The following TARM1 variants were observed in gnomAD, a reference collection of about 807,000 sequenced individuals.
The protein encoded by TARM1 is T-cell-interacting, activating receptor on myeloid cells protein 1.
In TARM1, 24 loss-of-function variants were observed where a neutral mutation model predicts 30.4. The ratio of observed to expected loss-of-function variants is 0.79; its 90% CI spans 0.57 to 1.11. TARM1 has a LOEUF of 1.11. Ranked by LOEUF, TARM1 falls within the 50% of genes least tolerant of loss-of-function variation. The pLI is 0.00. For synonymous variants in TARM1, 129 were observed against 138.9 expected (o/e 0.93, Z 0.50); for missense variants, 323 against 332.8 (o/e 0.97, Z 0.23).
At chr19:54,075,948 C>T (rs1425720003) in intron 1 of TARM1, 30 bp from the exon 2 acceptor site, 1 of 1,550,638 alleles carries the variant, frequency 6.4e-7, no homozygotes. Flanking sequence ...GAGCCAGAAG[C>T]CCCTACCTGG....
In TARM1 at chr19:54,070,117, G is replaced by T. The variant is rs377017019; in HGVS notation, c.702C>A (p.Phe234Leu). 32 of 1,551,666 alleles carry T rather than the reference G, an allele frequency of 2.1e-5. No homozygotes were observed. The African/African-American group carries it at 4.1e-4, about 20-fold the overall frequency. ...TTSSNYSLGNFVRLGLAAVIV... is the reference protein window; with the variant it reads ...TTSSNYSLGNLVRLGLAAVIV... ...TTACGGCAGCCAGACCCAGTCGTAC[G>T]AAGTTACCCAGGGAGTAGTTGCTCG... The change falls in exon 5 of 5, where the codon TTC becomes TTA. Residue 234 changes from phenylalanine to leucine, a missense_variant. Phe to Leu is a conservative substitution (Grantham distance 22). Coordinates refer to ENST00000432826, the MANE Select transcript of TARM1 (RefSeq NM_001135686.3).
In TARM1 at chr19:54,074,931, T is replaced by C. The variant is rs1373753920; in HGVS notation, c.254A>G (p.Asn85Ser). 1.3e-6 allele frequency: 2 copies of C among 1,551,656 alleles called. No homozygotes were observed. Among genetic ancestry groups the C allele is most frequent in the Admixed American group, 2.0e-5 (1 of 50,992 alleles). Reference protein sequence around the residue: ...STEGAAEFHLNNLKVRNAGEY... With the variant: ...STEGAAEFHLSNLKVRNAGEY... ...TCCAGCATTTCTGACTTTTAGATTA[T>C]TGAGGTGAAATTCGGCCGCGCCCTC... Residue 85 changes from asparagine to serine, a missense_variant, in exon 3 of 5, where the codon AAT (asparagine) becomes AGT (serine). Coordinates refer to ENST00000432826, the MANE Select transcript of TARM1 (RefSeq NM_001135686.3).
Position 54,073,906 on chromosome 19 carries a change from A to G in TARM1, c.658+14T>C. 2.6e-6 allele frequency: 4 copies of G among 1,549,158 alleles called. No individual in the cohort carries two copies. The highest frequency in any genetic ancestry group is 3.5e-6 in the Non-Finnish European group (4 of 1,144,880). On this transcript the variant is annotated intron_variant, in intron 4 of 4. Coordinates refer to ENST00000432826, the MANE Select transcript of TARM1 (RefSeq NM_001135686.3). ...ACAACACACACAGTTCCTCAAAACCATACACGCCCTTACCTGTCACCAATA... is the reference window on the plus strand; with the variant it reads ...ACAACACACACAGTTCCTCAAAACCGTACACGCCCTTACCTGTCACCAATA...
chr19:54,073,779 C>A, intron 4 of TARM1, 141 bp downstream of exon 4: 1 of 1,108,018 alleles, frequency 9.0e-7, no homozygotes, highest in Admixed American at 2.5e-5. Context: ...AGGCATGAGC[C>A]ACCACGCCAG....
rs2071875994 is a variant in TARM1 at position 54,073,978 on chromosome 19, C to T, written c.600G>A (p.Gln200=). The T allele has an allele frequency of 6.4e-7, 1 of 1,551,576 alleles. No individual in the cohort carries two copies. The highest frequency in any genetic ancestry group is 1.2e-5 in the South Asian group (1 of 84,070). ...CTGAGGCCCAGAAGGGAGACTTTGTCTGGTAGTACATGCAGCTGTAGTTCC... is the reference window on the plus strand; with the variant it reads ...CTGAGGCCCAGAAGGGAGACTTTGTTTGGTAGTACATGCAGCTGTAGTTCC... ...DAGNYSCMYY[Q]TKSPFWASEP... is the part of the protein sequence containing the mutation. The change falls in exon 4 of 5, where the codon CAG becomes CAA. Residue 200 remains glutamine (Q), a synonymous_variant. Transcript: ENST00000432826.
Position 54,075,747 on chromosome 19 carries a change from T to C in TARM1, c.70+136A>G, listed in dbSNP as rs111509031. ...GGCGGAGGTTGCTGTAAGCCGAGAT[T>C]GCACCACCGCACTCCAGCCTGGCGA... On this transcript the variant is annotated intron_variant, in intron 2 of 4. Coordinates refer to ENST00000432826, the MANE Select transcript of TARM1 (RefSeq NM_001135686.3). 4,095 of 958,904 alleles carry C rather than the reference T, an allele frequency of 4.3e-3. 110 individuals carry two copies. In the African/African-American group the frequency reaches 0.057, roughly 13 times the overall value. The allele number at this position is 958,904 out of a possible 1,614,324, so 59.4% of individuals were successfully genotyped here.
intron 1 of TARM1, among the ~76,000 whole-genome samples, chr19:54,077,908 A>G (rs1485437147): frequency 6.7e-6 from 1 of 148,590 alleles, no homozygotes; most frequent in Non-Finnish European, 1.5e-5. Flanking sequence ...TCCGCCTTGC[A>G]GGTTCAAGTG....
rs2071904215 is a variant in TARM1 at position 54,074,824 on chromosome 19, C to T, written c.361G>A (p.Gly121Arg). Residue 121 changes from glycine to arginine, a missense_variant and splice_region_variant, in exon 3 of 5, where the codon GGA becomes AGA. By Grantham distance (125) the Gly-to-Arg change is moderately radical. Coordinates refer to ENST00000432826, the MANE Select transcript of TARM1 (RefSeq NM_001135686.3). ...HSDVLLLLVT[G>R]HLSKPFLRTY... The stretch of plus-strand genomic sequence containing the variant: ...TCATTGGCAGGCACCCTGTCTGTAC[C>T]TGTCACCAACAGTAGAAGGACGTCA... The T allele has an allele frequency of 6.4e-7, 1 of 1,551,134 alleles. No individual in the cohort carries two copies. The highest frequency in any genetic ancestry group is 2.0e-5 in the Admixed American group (1 of 50,964).
chr19:54,078,584 G>GGCCA (rs1170911177), intron 1 of TARM1, among the ~76,000 whole-genome samples: 1 of 151,688 alleles, frequency 6.6e-6, no homozygotes, highest in African/African-American at 2.4e-5. Flanking sequence ...TCACCCTATT[G>GGCCA]GCCAGGCTGT....
At chr19:54,076,055 TC>T in intron 1 of TARM1, 137 bp from the exon 2 acceptor site, 2 of 1,428,260 alleles carry the variant, frequency 1.4e-6, no homozygotes, top group Non-Finnish European at 9.4e-7. Context: ...GTTCTCATTC[TC>T]CCCACACTGG....
At chr19:54,071,629 G>T (rs1197778749) in intron 4 of TARM1, among the ~76,000 whole-genome samples, 3 of 151,834 alleles carry the variant, frequency 2.0e-5, no homozygotes, top group African/African-American at 7.3e-5. Context: ...AGCAGCCTGG[G>T]CAACATGGCG....
chr19:54,070,194 A>C, intron 4 of TARM1, 34 bp from the exon 5 acceptor site: 2 of 1,543,694 alleles, frequency 1.3e-6, no homozygotes, highest in Non-Finnish European at 1.7e-6. Context: ...ACTGACCCTC[A>C]GAGGGTATCC....
intron 4 of TARM1, 57 bp from the exon 5 acceptor site, chr19:54,070,217 T>C: frequency 6.6e-7 from 1 of 1,513,552 alleles, no homozygotes; most frequent in African/African-American, 1.4e-5. Flanking sequence ...CCTTCTCAAA[T>C]GGCCCCACCA....
At chr19:54,077,747 T>TG (rs1405008340) in intron 1 of TARM1, among the ~76,000 whole-genome samples, 34 of 151,088 alleles carry the variant, frequency 2.3e-4, no homozygotes, top group Admixed American at 2.2e-3. Context: ...TCGTTTTTTT[T>TG]TTTTTTTTTT....
At chr19:54,075,465 C>T (rs1161568180) in intron 2 of TARM1, among the ~76,000 whole-genome samples, 2 of 150,300 alleles carry the variant, frequency 1.3e-5, no homozygotes, top group African/African-American at 2.4e-5. Flanking sequence ...GGATTACAGG[C>T]GTGAACCCCT....
Position 54,074,976 on chromosome 19 carries a change from G to A in TARM1, c.209C>T (p.Pro70Leu), listed in dbSNP as rs760499468. Residue 70 changes from proline (P) to leucine (L), a missense_variant, in exon 3 of 5, where the codon CCG becomes CTG. Transcript: ENST00000432826. ...GCCCTCTGTAGAATCAAGGGGCTTC[G>A]GGGACTCCAGAATAATTCCTCCCTT... ...LRKGGIILESPKPLDSTEGAA... is the reference protein window; with the variant it reads ...LRKGGIILESLKPLDSTEGAA... 2.0e-5 allele frequency: 31 copies of A among 1,551,278 alleles called. No homozygotes were observed. Among genetic ancestry groups the A allele is most frequent in the African/African-American group, 8.2e-5 (6 of 72,950 alleles).
chr19:54,076,056 C>T (rs1275961598), intron 1 of TARM1, 138 bp from the exon 2 acceptor site: 4 of 1,424,970 alleles, frequency 2.8e-6, no homozygotes, highest in South Asian at 1.3e-5. Context: ...TTCTCATTCT[C>T]CCCACACTGG....
intron 1 of TARM1, among the ~76,000 whole-genome samples, chr19:54,077,149 G>A (rs1022152585): frequency 8.6e-5 from 13 of 151,988 alleles, no homozygotes; most frequent in African/African-American, 2.9e-4. Context: ...TTGGGAGGCC[G>A]AGGCAGGTGG....
At chr19:54,075,202 T>TTAC (rs2071918797) in intron 2 of TARM1, 88 bp from the exon 3 acceptor site, 1 of 1,172,142 alleles carries the variant, frequency 8.5e-7, no homozygotes. Flanking sequence ...ATTATTATTA[T>TTAC]TTTGAGATGG....
Sources: gnomAD v4.1 joint callset for allele counts (sites outside exome capture counted in the v4.1 genomes callset) on GRCh38, gnomAD v4.1.1 for gene constraint, MANE v1.5 for transcripts, NCBI Gene and HGNC (gene_info 2026-07-23, HGNC 2026-07-21) for gene names.